TCP11: variants seen among roughly 807,000 people sequenced by gnomAD.
TCP11 encodes the protein t-complex 11.
TCP11 carries 34 observed loss-of-function variants against 45.0 expected under a neutral mutation model. The ratio of observed to expected loss-of-function variants is 0.76; its 90% CI spans 0.57 to 1.01. The LOEUF is 1.01. Among genes scored for constraint, TCP11 ranks in the 50% least tolerant of loss-of-function variants. The probability of loss-of-function intolerance (pLI) is 0.00; values close to 1 mark genes in which losing one functional copy is unlikely to be tolerated. For synonymous variants in TCP11, 227 were observed against 227.0 expected (o/e 1.00, Z 0.00); for missense variants, 523 against 598.1 (o/e 0.87, Z 1.31).
At chr6:35,121,123 A>G (rs1490666464) in intron 5 of TCP11, 78 bp from the exon 6 acceptor site, 9 of 1,470,402 alleles carry the variant, frequency 6.1e-6, no homozygotes, top group Non-Finnish European at 8.2e-6. Flanking sequence ...ACTGTATTTT[A>G]GAGTTAGGAG....
intron 3 of TCP11, among the ~76,000 whole-genome samples, chr6:35,135,790 T>G (rs978144920): frequency 7.9e-5 from 12 of 152,122 alleles, no homozygotes; most frequent in Non-Finnish European, 1.3e-4. Flanking sequence ...CTGCTAAATT[T>G]TGGGGTAATT....
Position 35,120,787 on chromosome 6 carries a change from C to T in TCP11, c.715+122G>A. On this transcript the variant is annotated intron_variant, in intron 6 of 9. Transcript: ENST00000311875. The surrounding 1 kb of genome is among the most constrained non-coding windows in gnomAD (Gnocchi z 4.9). ...TCTGTCTTAGATAAATGTTCCTTCT[C>T]CCTCCCTTCACCTAATAAGCAACTT... The T allele has an allele frequency of 7.1e-7, 1 of 1,406,838 alleles. No individual in the cohort carries two copies. Among genetic ancestry groups the T allele is most frequent in the South Asian group, 1.4e-5 (1 of 71,286 alleles). 87.1% of individuals were successfully genotyped at this position (1,406,838 alleles called of 1,614,324 possible).
chr6:35,119,339 G>A lies in TCP11; in HGVS notation c.1168C>T (p.Gln390Ter). 6.2e-7 allele frequency: 1 copy of A among 1,614,194 alleles called. No individual in the cohort carries two copies. The highest frequency in any genetic ancestry group is 8.5e-7 in the Non-Finnish European group (1 of 1,180,040). Residue 390 changes from glutamine (Q) to a stop codon, truncating the protein, a stop_gained, in exon 9 of 10, where the codon CAA becomes TAA. Coordinates refer to ENST00000311875, the MANE Select transcript of TCP11 (RefSeq NM_001370687.1). LOFTEE classifies it high-confidence loss of function. The stretch of plus-strand genomic sequence containing the variant: ...ACAAGGCCCATATTCTTGAGGCTTT[G>A]ATGGATTTCCTGAGATACCTGTTCA... The part of the protein sequence containing the change: ...VSEQVSQEIH[Q>*]SLKNMGLVAL...
chr6:35,138,333 A>C lies in TCP11; in HGVS notation c.125-2115T>G, dbSNP rs114248569. 3.8e-3 allele frequency among the ~76,000 whole-genome samples: 584 copies of C among 152,346 alleles called. 3 individuals carry two copies. The highest frequency in any genetic ancestry group is 0.012 in the African/African-American group (515 of 41,578). ...TTATGATAGCCAAGATTTGGAAGCA[A>C]CCTGTGTCCATCAACAGACAAATGG... On this transcript the variant is annotated intron_variant, in intron 2 of 9. Transcript: ENST00000311875.
chr6:35,141,323 G>A lies in TCP11; in HGVS notation c.-133C>T, dbSNP rs1781765531. 4.0e-6 allele frequency: 5 copies of A among 1,236,036 alleles called. No individual in the cohort carries two copies. The highest frequency in any genetic ancestry group is 5.5e-5 in the South Asian group (2 of 36,214). The allele number at this position is 1,236,036 out of a possible 1,614,324, so 76.6% of individuals were successfully genotyped here. ...GGTTGGGGCGTCGCACGGTGAGAAA[G>A]GCCGGGGCCTGAGAACAAACCGCCG... On this transcript the variant is annotated 5_prime_UTR_variant, in exon 1 of 10. Transcript: ENST00000311875.
chr6:35,129,242 A>C (rs1254779619), intron 3 of TCP11, 60 bp from the exon 4 acceptor site: 1 of 1,550,232 alleles, frequency 6.5e-7, no homozygotes, highest in Non-Finnish European at 8.7e-7. Flanking sequence ...ACAGTGTCAT[A>C]ACCTCCTAAA....
intron 4 of TCP11, among the ~76,000 whole-genome samples, chr6:35,128,051 A>G (rs1402040164): frequency 1.3e-5 from 2 of 152,188 alleles, no homozygotes; most frequent in Non-Finnish European, 2.9e-5. Context: ...CCATAATCCT[A>G]GCAGCTTATA....
In TCP11 at chr6:35,118,171, A is replaced by G. The variant is rs1581791046; in HGVS notation, c.*98T>C. ...TGGTGTACTGGCTGCAGGGCCTGGG[A>G]TAGAAGCTCACTGTCTGCTGGTCAC... On this transcript the variant is annotated 3_prime_UTR_variant, in exon 10 of 10. Transcript: ENST00000311875. 1 of 1,022,090 alleles carries G rather than the reference A, an allele frequency of 9.8e-7. No individual in the cohort carries two copies. The highest frequency in any genetic ancestry group is 1.5e-6 in the Non-Finnish European group (1 of 664,818). The allele number at this position is 1,022,090 out of a possible 1,614,324, so 63.3% of individuals were successfully genotyped here. A position where few individuals can be genotyped will look rare whatever the true frequency, so the allele number is the denominator to read the frequency against.
intron 2 of TCP11, chr6:35,140,521 G>C: frequency 1.5e-6 from 1 of 650,720 alleles, no homozygotes; most frequent in Non-Finnish European, 2.8e-6. Flanking sequence ...CTCAAATCTT[G>C]TCAGATTCAA....
intron 8 of TCP11, 128 bp from the exon 9 acceptor site, chr6:35,119,519 A>C: frequency 8.6e-7 from 1 of 1,161,462 alleles, no homozygotes; most frequent in Non-Finnish European, 1.2e-6. Context: ...TCCACCCCTA[A>C]ACCCCAGCCC....
intron 8 of TCP11, among the ~76,000 whole-genome samples, chr6:35,119,652 C>G (rs1266183744): frequency 6.6e-6 from 1 of 152,208 alleles, no homozygotes; most frequent in Admixed American, 6.5e-5. Context: ...ATGATAAAAT[C>G]AACTCTGGAA....
At position 35,120,957 on chromosome 6, in the gene TCP11, TGGAATGTTCCTGCA is replaced by T; in HGVS notation, c.653_666del (p.Leu218HisfsTer4). 6.2e-7 allele frequency: 1 copy of T among 1,614,084 alleles called. No homozygotes were observed. ...TGGAATTTAGCCCGTTCATACTGAA[TGGAATGTTCCTGCA>T]GGTGGGGTTGAAGGCTCTGGATAGT... is the stretch of plus-strand genomic sequence containing the variant. On this transcript the variant is annotated frameshift_variant, in exon 6 of 10. Coordinates refer to ENST00000311875, the MANE Select transcript of TCP11 (RefSeq NM_001370687.1). LOFTEE classifies it high-confidence loss of function. This position sits in a 1 kb window ranked among gnomAD's most constrained non-coding sequence, Gnocchi z 4.9.
intron 3 of TCP11, among the ~76,000 whole-genome samples, chr6:35,130,853 G>A (rs1054636244): frequency 3.3e-5 from 5 of 152,124 alleles, no homozygotes; most frequent in African/African-American, 7.2e-5. Context: ...TGGCTATCAC[G>A]CTCCTGGGTA....
At chr6:35,140,262 A>C in intron 2 of TCP11, 2 of 1,453,792 alleles carry the variant, frequency 1.4e-6, no homozygotes, top group Non-Finnish European at 9.2e-7. Flanking sequence ...AGTCCCAGTG[A>C]GACTGGACCT....
intron 2 of TCP11, among the ~76,000 whole-genome samples, chr6:35,139,573 A>G (rs1223880654): frequency 6.6e-6 from 1 of 152,218 alleles, no homozygotes. Context: ...TAATTCACTA[A>G]TGCTAAATGA....
In TCP11 at chr6:35,120,241, C is replaced by G. The variant is rs2234046; in HGVS notation, c.1033G>C (p.Gly345Arg). The G allele has an allele frequency of 1.6e-4, 255 of 1,614,192 alleles. 1 individual carries two copies. The Admixed American group carries it at 2.2e-3, about 14-fold the overall frequency. The change falls in exon 8 of 10, where the codon GGC becomes CGC. Residue 345 changes from glycine (G) to arginine (R), a missense_variant. Transcript: ENST00000311875. The surrounding 1 kb of genome is among the most constrained non-coding windows in gnomAD (Gnocchi z 4.9). ...TGGGGTGAGCCAAACAAAACACTGCCGGAGAAACTACTGGCCACCAGCAAG... is the reference window on the plus strand; with the variant it reads ...TGGGGTGAGCCAAACAAAACACTGCGGGAGAAACTACTGGCCACCAGCAAG... ...SVLLVASSFSGSVLFGSPQFV... is the reference protein window; with the variant it reads ...SVLLVASSFSRSVLFGSPQFV...
chr6:35,125,138 C>T (rs1314446744), intron 4 of TCP11, among the ~76,000 whole-genome samples: 4 of 146,912 alleles, frequency 2.7e-5, no homozygotes, highest in South Asian at 2.1e-4. Context: ...TGGCCAAGAT[C>T]GCACCACTGC....
In TCP11 at chr6:35,136,140, T is replaced by C; in HGVS notation, c.203A>G (p.Tyr68Cys). The change falls in exon 3 of 10, where the codon TAC becomes TGC. Residue 68 changes from tyrosine to cysteine, a missense_variant. Coordinates refer to ENST00000311875, the MANE Select transcript of TCP11 (RefSeq NM_001370687.1). The stretch of plus-strand genomic sequence containing the variant: ...AGGTAAAACCTTCTCTTCCATGTAG[T>C]AATCACAATTCATCCCAATCTTGTT... ...LSNKIGMNCD[Y>C]YMEEKVLPPS... 6.2e-7 allele frequency: 1 copy of C among 1,613,852 alleles called. No individual in the cohort carries two copies. Among genetic ancestry groups the C allele is most frequent in the Non-Finnish European group, 8.5e-7 (1 of 1,179,824 alleles).
chr6:35,130,338 A>G (rs1407148676), intron 3 of TCP11, among the ~76,000 whole-genome samples: 1 of 152,214 alleles, frequency 6.6e-6, no homozygotes, highest in African/African-American at 2.4e-5. Flanking sequence ...TCCACAAAAG[A>G]AAAAATTGCT....
Sources: gnomAD v4.1 joint callset for allele counts (sites outside exome capture counted in the v4.1 genomes callset) on GRCh38, gnomAD v4.1.1 for gene constraint, Gnocchi (gnomAD v3.1) non-coding constraint, MANE v1.5 for transcripts, NCBI Gene and HGNC (gene_info 2026-07-23, HGNC 2026-07-21) for gene names.